Variants in VDAC1 observed in about 807,000 individuals in gnomAD.
VDAC1 encodes voltage dependent anion channel 1, also known as non-selective voltage-gated ion channel VDAC1.
VDAC1 carries 10 observed loss-of-function variants against 34.7 expected under a neutral mutation model. The ratio of observed to expected loss-of-function variants is 0.29; its 90% CI spans 0.18 to 0.49. VDAC1 has a LOEUF of 0.49. VDAC1 is among the 20% of genes least tolerant of loss of function. The pLI, the probability that VDAC1 is intolerant of heterozygous loss-of-function variation, is 0.99. For missense variants in VDAC1, 230 were observed against 347.9 expected (o/e 0.66, Z 2.69); for synonymous variants, 130 against 136.0 (o/e 0.96, Z 0.30).
the VDAC1 span, among the ~76,000 whole-genome samples, chr5:134,026,516 G>GAAAA: frequency 5.5e-5 from 4 of 72,322 alleles, no homozygotes; most frequent in Non-Finnish European, 1.0e-4. Flanking sequence ...CTCCGTCTCA[G>GAAAA]AAAAAAAAAA....
chr5:134,012,152 G>A, the VDAC1 span, among the ~76,000 whole-genome samples: 1 of 152,182 alleles, frequency 6.6e-6, no homozygotes, highest in Non-Finnish European at 1.5e-5. Context: ...AGGAATGCAG[G>A]CAACCTATAG....
intron 1 of VDAC1, among the ~76,000 whole-genome samples, chr5:134,002,980 TC>T: frequency 7.0e-6 from 1 of 142,294 alleles, no homozygotes; most frequent in Non-Finnish European, 1.5e-5. Context: ...AAAAAAAAAG[TC>T]CAGGATCAAA....
intron 6 of VDAC1, among the ~76,000 whole-genome samples, chr5:133,978,104 A>C (rs1245316606): frequency 6.6e-6 from 1 of 152,164 alleles, no homozygotes; most frequent in Admixed American, 6.5e-5. Context: ...TTCAGGACCT[A>C]AGAACAAAAA....
intron 5 of VDAC1, among the ~76,000 whole-genome samples, chr5:133,984,084 C>A (rs1230918629): frequency 4.6e-5 from 7 of 152,058 alleles, no homozygotes; most frequent in Non-Finnish European, 7.4e-5. Context: ...CAGACAAGGT[C>A]TCACTCTGTT....
At chr5:134,097,549 G>A in the VDAC1 span, among the ~76,000 whole-genome samples, 6 of 152,230 alleles carry the variant, frequency 3.9e-5, no homozygotes, top group Non-Finnish European at 8.8e-5. Flanking sequence ...ATGAGCACAG[G>A]CGTAGGGGAG....
chr5:134,055,588 G>GTTTTTGTTTTTTTTTTTGTTTTTGTT, the VDAC1 span, among the ~76,000 whole-genome samples: 2 of 59,626 alleles, frequency 3.4e-5, no homozygotes, highest in African/African-American at 1.4e-4. Context: ...CCCCGCTAAT[G>GTTTTTGTTTTTTTTTTTGTTTTTGTT]TTTTTTTTTT....
the VDAC1 span, among the ~76,000 whole-genome samples, chr5:134,071,438 G>A: frequency 6.6e-5 from 10 of 152,146 alleles, no homozygotes; most frequent in Non-Finnish European, 1.0e-4. The surrounding 1 kb of genome is among the most constrained non-coding windows in gnomAD (Gnocchi z 4.1). Context: ...GCCCAGCCTC[G>A]GGGGAGCGCC....
chr5:134,000,351 C>A (rs552994286), intron 1 of VDAC1, among the ~76,000 whole-genome samples: 3 of 152,324 alleles, frequency 2.0e-5, no homozygotes, highest in Admixed American at 2.0e-4. Context: ...GGCAGCTGGG[C>A]CACCACCAGC....
chr5:134,010,368 C>T, the VDAC1 span, among the ~76,000 whole-genome samples: 6 of 152,002 alleles, frequency 3.9e-5, no homozygotes, highest in Admixed American at 6.6e-5. Flanking sequence ...GAGGCTGAGG[C>T]GGGCAGATCA....
chr5:133,981,532 T>C (rs1752698476), intron 5 of VDAC1, among the ~76,000 whole-genome samples: 1 of 152,222 alleles, frequency 6.6e-6, no homozygotes. Flanking sequence ...AACCGGGTAC[T>C]GATGTAGAAC....
At chr5:134,113,979 G>C in the VDAC1 span, among the ~76,000 whole-genome samples, 1 of 152,220 alleles carries the variant, frequency 6.6e-6, no homozygotes, top group Non-Finnish European at 1.5e-5. Flanking sequence ...AGAGTCATAG[G>C]GGCTGGGACT....
upstream of VDAC1, among the ~76,000 whole-genome samples, chr5:134,009,837 C>T (rs535377886): frequency 5.9e-5 from 9 of 151,664 alleles, no homozygotes; most frequent in African/African-American, 9.7e-5. Context: ...CGTGCCACCA[C>T]GTCTGGCTAA....
chr5:134,009,663 T>C (rs997047721), upstream of VDAC1, among the ~76,000 whole-genome samples: 1 of 152,066 alleles, frequency 6.6e-6, no homozygotes, highest in African/African-American at 2.4e-5. Context: ...TTCCCAAATA[T>C]TCTTTTGTTT....
the VDAC1 span, among the ~76,000 whole-genome samples, chr5:134,085,311 G>A: frequency 5.9e-5 from 9 of 151,788 alleles, no homozygotes; most frequent in South Asian, 2.1e-4. Flanking sequence ...CTCATGATCC[G>A]CCTGCCTCGG....
intron 6 of VDAC1, 63 bp downstream of exon 6, chr5:133,980,666 A>G (rs896870835): frequency 2.2e-5 from 19 of 879,176 alleles, no homozygotes; most frequent in South Asian, 3.4e-5. Context: ...GTGAAAAGCA[A>G]TCCCCTTACC....
upstream of VDAC1, among the ~76,000 whole-genome samples, chr5:134,007,235 ACT>A (rs1228775007): frequency 7.4e-6 from 1 of 134,940 alleles, no homozygotes; most frequent in Admixed American, 7.5e-5. Context: ...CAAGAGCGAA[ACT>A]CTGCCAAAAA....
Position 133,975,961 on chromosome 5 carries a change from G to C in VDAC1, c.612C>G (p.Thr204=), listed in dbSNP as rs1037341301. 1.2e-6 allele frequency: 2 copies of C among 1,613,504 alleles called. No homozygotes were observed. Among genetic ancestry groups the C allele is most frequent in the Non-Finnish European group, 1.7e-6 (2 of 1,179,976 alleles). The change falls in exon 7 of 9, where the codon ACC becomes ACG. Residue 204 remains threonine, a synonymous_variant. Transcript: ENST00000265333. ...CTGCTGTCCAGGCAAGATTGACAGCGGTCTCCAACTTCTTGTTCACTTTCT... is the reference window on the plus strand; with the variant it reads ...CTGCTGTCCAGGCAAGATTGACAGCCGTCTCCAACTTCTTGTTCACTTTCT... ...IYQKVNKKLE[T]AVNLAWTAGN... is the part of the protein sequence containing the mutation.
the VDAC1 span, among the ~76,000 whole-genome samples, chr5:134,028,133 T>C: frequency 6.6e-6 from 1 of 150,934 alleles, no homozygotes; most frequent in East Asian, 1.9e-4. Context: ...TTTATATATT[T>C]ATTTATTTAT....
chr5:134,022,596 A>C, the VDAC1 span, among the ~76,000 whole-genome samples: 1 of 152,306 alleles, frequency 6.6e-6, no homozygotes, highest in South Asian at 2.1e-4. Context: ...CCGCAATGGA[A>C]AATTCCATCC....
Sources: allele counts gnomAD v4.1 joint callset (sites outside exome capture counted in the v4.1 genomes callset), GRCh38; gene constraint gnomAD v4.1.1; non-coding constraint Gnocchi (gnomAD v3.1); transcripts MANE v1.5; gene names NCBI Gene and HGNC (gene_info 2026-07-23, HGNC 2026-07-21).